ALG14: variants seen among roughly 807,000 people sequenced by gnomAD.
The protein encoded by ALG14 is ALG14 UDP-N-acetylglucosaminyltransferase subunit, also known as UDP-N-acetylglucosamine transferase subunit ALG14.
Under a neutral mutation model 22.8 loss-of-function variants are expected in ALG14, and 17 were observed. The observed-to-expected ratio is 0.75, with a 90% CI of 0.51 to 1.12. The LOEUF is 1.12. Among genes scored for constraint, ALG14 ranks in the 50% most tolerant of loss-of-function variants. ALG14 has a pLI of 0.00. For missense variants in ALG14, 288 were observed against 271.8 expected, an observed-to-expected ratio of 1.06 and a Z score of -0.42; for synonymous variants, 89 against 103.7, an observed-to-expected ratio of 0.86 and a Z score of 0.86.
intron 1 of ALG14, among the ~76,000 whole-genome samples, chr1:95,069,914 C>T (rs946279411): frequency 8.5e-5 from 13 of 152,118 alleles, no homozygotes; most frequent in African/African-American, 2.9e-4. Context: ...AGAAATTATC[C>T]GAGCTGGGGA....
At chr1:95,016,949 GT>G (rs1673513561) in intron 3 of ALG14, among the ~76,000 whole-genome samples, 1 of 63,586 alleles carries the variant, frequency 1.6e-5, no homozygotes, top group Non-Finnish European at 3.3e-5. Context: ...AGGGGTGTGT[GT>G]GTGTGTGTGT....
At chr1:95,064,754 A>T in intron 2 of ALG14, 112 bp downstream of exon 2, 1 of 878,234 alleles carries the variant, frequency 1.1e-6, no homozygotes, top group Non-Finnish European at 1.7e-6. Flanking sequence ...ACCAGCAAAC[A>T]TTTGACTGCC....
chr1:95,034,326 C>A (rs1309138949), intron 2 of ALG14, among the ~76,000 whole-genome samples: 1 of 152,194 alleles, frequency 6.6e-6, no homozygotes, highest in Non-Finnish European at 1.5e-5. Flanking sequence ...ATGTAGTCTG[C>A]CCCTCTTCCA....
At position 95,060,118 on chromosome 1, in the gene ALG14, A is replaced by G. The variant is rs191084825; in HGVS notation, c.288+4748T>C. 1.8e-3 allele frequency among the ~76,000 whole-genome samples: 240 copies of G among 131,502 alleles called. 1 individual carries two copies. The highest frequency in any genetic ancestry group is 3.0e-3 in the Non-Finnish European group (184 of 61,978). 86.3% of individuals were successfully genotyped at this position (131,502 alleles called of 152,430 possible). A position where few individuals can be genotyped will look rare whatever the true frequency, so the allele number is the denominator to read the frequency against. On this transcript the variant is annotated intron_variant, in intron 2 of 3. Coordinates refer to ENST00000370205, the MANE Select transcript of ALG14 (RefSeq NM_144988.4). The stretch of plus-strand genomic sequence containing the variant: ...TCTGTCCTTCACCACCCTCCTATAC[A>G]TACACACACAAACACACACACACAC...
chr1:95,011,440 T>A (rs1673358582), intron 3 of ALG14, among the ~76,000 whole-genome samples: 2 of 151,882 alleles, frequency 1.3e-5, no homozygotes. Context: ...CTTTTTTTTT[T>A]TTTGAGACAG....
At chr1:94,998,767 G>T (rs1272264509) in intron 3 of ALG14, among the ~76,000 whole-genome samples, 1 of 152,114 alleles carries the variant, frequency 6.6e-6, no homozygotes, top group Non-Finnish European at 1.5e-5. Context: ...GACATGGCAG[G>T]TAACTAACTC....
chr1:95,026,462 ATGTGTGTGTG>A (rs141495807), intron 3 of ALG14, among the ~76,000 whole-genome samples: 55 of 142,352 alleles, frequency 3.9e-4, no homozygotes, highest in African/African-American at 4.7e-4. Context: ...AGCCCAAGGA[ATGTGTGTGTG>A]TGTGTGTGTG....
Position 94,976,435 on chromosome 1 carries a change from G to GT in ALG14, c.*6640dup, listed in dbSNP as rs753865497. ...AGAACGGGCATGGTGGCTGACGCCT[G>GT]TAATTCCAGCACTTTGGGAAGCCGA... On this transcript the variant is annotated 3_prime_UTR_variant, in exon 4 of 4. Transcript: ENST00000370205. 6 of 152,240 alleles carry GT rather than the reference G, an allele frequency of 3.9e-5. No homozygotes were observed. Among genetic ancestry groups the GT allele is most frequent in the Non-Finnish European group, 8.8e-5 (6 of 68,064 alleles). 9.4% of individuals were successfully genotyped at this position (152,240 alleles called of 1,614,324 possible).
At chr1:95,005,206 T>C (rs1411674734) in intron 3 of ALG14, among the ~76,000 whole-genome samples, 1 of 152,226 alleles carries the variant, frequency 6.6e-6, no homozygotes, top group Non-Finnish European at 1.5e-5. Context: ...AGGCAATCGT[T>C]ACTCTAGAAA....
At chr1:95,019,743 G>A (rs1673606702) in intron 3 of ALG14, among the ~76,000 whole-genome samples, 1 of 152,154 alleles carries the variant, frequency 6.6e-6, no homozygotes, top group African/African-American at 2.4e-5. Context: ...GACTTTGGGA[G>A]GCCAAGGTGG....
At chr1:94,998,215 T>C (rs1392591634) in intron 3 of ALG14, among the ~76,000 whole-genome samples, 2 of 152,226 alleles carry the variant, frequency 1.3e-5, no homozygotes, top group South Asian at 2.1e-4. Context: ...CCGCACTTCC[T>C]GAGTCTGACG....
intron 1 of ALG14, among the ~76,000 whole-genome samples, chr1:95,070,809 C>T (rs748476652): frequency 2.0e-5 from 3 of 152,182 alleles, no homozygotes; most frequent in Non-Finnish European, 2.9e-5. Flanking sequence ...AATCTCAGCT[C>T]ACTGCAACCT....
At position 94,978,490 on chromosome 1, in the gene ALG14, A is replaced by G. The variant is rs893504477; in HGVS notation, c.*4586T>C. On this transcript the variant is annotated 3_prime_UTR_variant, in exon 4 of 4. Coordinates refer to ENST00000370205, the MANE Select transcript of ALG14 (RefSeq NM_144988.4). ...CTGAAGACAAACATAAATAATCAGCAATAGCATTCATTATTCCTTCCACAG... is the reference window on the plus strand; with the variant it reads ...CTGAAGACAAACATAAATAATCAGCGATAGCATTCATTATTCCTTCCACAG... The G allele has an allele frequency of 3.3e-5, 5 of 152,236 alleles. No homozygotes were observed. The highest frequency in any genetic ancestry group is 1.2e-4 in the African/African-American group (5 of 41,460). The allele number at this position is 152,236 out of a possible 1,614,324, so 9.4% of individuals were successfully genotyped here. A position where few individuals can be genotyped will look rare whatever the true frequency, so the allele number is the denominator to read the frequency against.
chr1:95,025,927 A>C (rs1252785209), intron 3 of ALG14, among the ~76,000 whole-genome samples: 1 of 152,000 alleles, frequency 6.6e-6, no homozygotes, highest in East Asian at 1.9e-4. Flanking sequence ...CAGTGTGTTC[A>C]CAGGAGTAGC....
chr1:95,040,278 C>T (rs1674339404), intron 2 of ALG14, among the ~76,000 whole-genome samples: 1 of 152,160 alleles, frequency 6.6e-6, no homozygotes, highest in Non-Finnish European at 1.5e-5. Flanking sequence ...GGTTGATTCA[C>T]ACAAGGTGAC....
chr1:95,017,614 T>G (rs1402763876), intron 3 of ALG14, among the ~76,000 whole-genome samples: 2 of 150,614 alleles, frequency 1.3e-5, no homozygotes, highest in African/African-American at 4.9e-5. Context: ...AAAGAACAGT[T>G]AAAGCATGGA....
chr1:94,999,155 T>C (rs1672988723), intron 3 of ALG14, among the ~76,000 whole-genome samples: 1 of 152,008 alleles, frequency 6.6e-6, no homozygotes, highest in East Asian at 1.9e-4. Flanking sequence ...AACATCCTTA[T>C]AAAAAGCAGA....
At chr1:95,039,845 C>T (rs1254623819) in intron 2 of ALG14, among the ~76,000 whole-genome samples, 2 of 152,020 alleles carry the variant, frequency 1.3e-5, no homozygotes, top group African/African-American at 2.4e-5. Flanking sequence ...GCAGAAGCCT[C>T]GCTTGACGTT....
intron 2 of ALG14, among the ~76,000 whole-genome samples, chr1:95,061,013 A>G (rs1276217791): frequency 6.6e-6 from 1 of 152,208 alleles, no homozygotes; most frequent in African/African-American, 2.4e-5. Flanking sequence ...AAAAGGTCAT[A>G]TGATGGTGGA....
Sources: allele counts gnomAD v4.1 joint callset (sites outside exome capture counted in the v4.1 genomes callset), GRCh38; gene constraint gnomAD v4.1.1; transcripts MANE v1.5; gene names NCBI Gene and HGNC (gene_info 2026-07-23, HGNC 2026-07-21).